Variants in BST1 observed in about 807,000 individuals in gnomAD.
The protein encoded by BST1 is bone marrow stromal cell antigen 1, also known as ADP-ribosyl cyclase/cyclic ADP-ribose hydrolase 2.
BST1 carries 49 observed loss-of-function variants against 40.6 expected under a neutral mutation model. That is an observed-to-expected ratio of 1.21 (90% CI 0.96 to 1.53). The LOEUF (loss-of-function observed/expected upper bound fraction) is 1.53. Among genes scored for constraint, BST1 ranks in the 40% most tolerant of loss-of-function variants. The pLI is 0.00. For synonymous variants in BST1, 157 were observed against 159.3 expected, an observed-to-expected ratio of 0.99 and a Z score of 0.11; for missense variants, 423 against 395.9, an observed-to-expected ratio of 1.07 and a Z score of -0.58.
chr4:15,727,668 C>A (rs2148894279), intron 8 of BST1, among the ~76,000 whole-genome samples: 1 of 152,132 alleles, frequency 6.6e-6, no homozygotes, highest in African/African-American at 2.4e-5. Flanking sequence ...TGATAAAGTG[C>A]TTTGGGAAAA....
At chr4:15,754,827 C>A in the BST1 span, among the ~76,000 whole-genome samples, 1 of 152,146 alleles carries the variant, frequency 6.6e-6, no homozygotes, top group African/African-American at 2.4e-5. Flanking sequence ...TGTTCTGGTC[C>A]CACACCTCTA....
intron 6 of BST1, 112 bp downstream of exon 6, chr4:15,715,911 G>T: frequency 1.3e-6 from 1 of 746,574 alleles, no homozygotes; most frequent in Non-Finnish European, 2.0e-6. Context: ...AGCCTTCTTT[G>T]CTTCTAATGG....
the BST1 span, among the ~76,000 whole-genome samples, chr4:15,770,131 G>A: frequency 1.9e-4 from 28 of 146,996 alleles, no homozygotes; most frequent in Middle Eastern, 3.5e-3. Context: ...TAAGCCACCG[G>A]GCATGGCTAA....
At chr4:15,757,912 G>A in the BST1 span, among the ~76,000 whole-genome samples, 1 of 152,054 alleles carries the variant, frequency 6.6e-6, no homozygotes, top group Non-Finnish European at 1.5e-5. Context: ...AAAGTGCTGG[G>A]ATTACAGGCA....
At chr4:15,754,537 C>G in the BST1 span, among the ~76,000 whole-genome samples, 10 of 152,276 alleles carry the variant, frequency 6.6e-5, no homozygotes, top group African/African-American at 2.2e-4. Flanking sequence ...ATGTTGCTGT[C>G]AGCACTGTGT....
rs527823254 is a variant in BST1, at chr4:15,707,568, C to T, written c.373C>T (p.Arg125Cys). 88 of 1,614,028 alleles carry T rather than the reference C, an allele frequency of 5.5e-5. 1 individual carries two copies. The highest frequency in any genetic ancestry group is 3.6e-4 in the South Asian group (33 of 91,082). ...TAACAGCTTTGCAGACAACACCCGT[C>T]GTTTTATGCCCCTGAGCGATGTTCT... is the stretch of plus-strand genomic sequence containing the variant. The part of the protein sequence containing the change: ...LVNSFADNTR[R>C]FMPLSDVLYG... The change falls in exon 3 of 9, where the codon CGT becomes TGT. Residue 125 changes from arginine to cysteine, a missense_variant. Coordinates refer to ENST00000265016, the MANE Select transcript of BST1 (RefSeq NM_004334.3).
chr4:15,768,726 G>C, the BST1 span, among the ~76,000 whole-genome samples: 7 of 151,848 alleles, frequency 4.6e-5, no homozygotes, highest in African/African-American at 1.7e-4. Flanking sequence ...TCGATCTCCT[G>C]ACCTCATGAT....
At chr4:15,703,359 G>C in intron 1 of BST1, 27 bp downstream of exon 1, 1 of 1,488,464 alleles carries the variant, frequency 6.7e-7, no homozygotes, top group South Asian at 1.3e-5. Context: ...GGTGGAAGGG[G>C]AGCCGGAAAG....
chr4:15,716,512 G>C (rs942606929), intron 6 of BST1, among the ~76,000 whole-genome samples: 1 of 152,158 alleles, frequency 6.6e-6, no homozygotes, highest in Non-Finnish European at 1.5e-5. Flanking sequence ...AAGGAGTGCA[G>C]GTCCCATTGA....
intron 8 of BST1, among the ~76,000 whole-genome samples, chr4:15,725,848 C>A (rs1469806654): frequency 6.6e-6 from 1 of 152,082 alleles, no homozygotes; most frequent in Admixed American, 6.6e-5. Flanking sequence ...ATCATAGCCT[C>A]CATCTCACAA....
At chr4:15,735,967 G>C (rs1577602712), downstream of BST1, 3 of 771,336 alleles carry the variant, frequency 3.9e-6, no homozygotes, top group Admixed American at 9.2e-5. Flanking sequence ...GAAAAATTAG[G>C]AAGAAGGCAA....
Position 15,711,949 on chromosome 4 carries a change from T to G in BST1, c.534+60T>G, listed in dbSNP as rs1392830953. The G allele has an allele frequency of 2.7e-6, 4 of 1,465,952 alleles. No individual in the cohort carries two copies. In the Admixed American group the frequency reaches 5.0e-5, roughly 18 times the overall value. 90.8% of individuals were successfully genotyped at this position (1,465,952 alleles called of 1,614,324 possible). On this transcript the variant is annotated intron_variant, in intron 4 of 8. Coordinates refer to ENST00000265016, the MANE Select transcript of BST1 (RefSeq NM_004334.3). Reference sequence around the variant, plus strand: ...GTGTGGGACCCATAGAGATGGAACATAGTCATTCAGAGTCTGGGCCCCAGG... The same window carrying G: ...GTGTGGGACCCATAGAGATGGAACAGAGTCATTCAGAGTCTGGGCCCCAGG...
At chr4:15,721,586 C>T (rs1720811237) in intron 7 of BST1, among the ~76,000 whole-genome samples, 1 of 149,572 alleles carries the variant, frequency 6.7e-6, no homozygotes, top group South Asian at 2.1e-4. Flanking sequence ...TGTTCTCACT[C>T]ACAGGTGGGA....
the BST1 span, among the ~76,000 whole-genome samples, chr4:15,748,753 G>C: frequency 6.6e-6 from 1 of 152,190 alleles, no homozygotes; most frequent in Admixed American, 6.5e-5. Context: ...TAGTTGATCT[G>C]ATCCTGTTGT....
At chr4:15,735,680 G>C (rs1019436133), downstream of BST1, among the ~76,000 whole-genome samples, 1 of 152,170 alleles carries the variant, frequency 6.6e-6, no homozygotes, top group African/African-American at 2.4e-5. Flanking sequence ...TCTCAGGACC[G>C]TCTGGCTCCT....
At chr4:15,722,592 ATTTTTTT>A (rs1012036868) in intron 7 of BST1, among the ~76,000 whole-genome samples, 10 of 120,304 alleles carry the variant, frequency 8.3e-5, no homozygotes, top group South Asian at 5.1e-4. Flanking sequence ...TAATTTTTAG[ATTTTTTT>A]TTTTTTTTTT....
chr4:15,752,602 G>T, the BST1 span, among the ~76,000 whole-genome samples: 6 of 151,924 alleles, frequency 3.9e-5, no homozygotes, highest in African/African-American at 1.4e-4. Flanking sequence ...TGGTCAGGCT[G>T]GTCTCAAACT....
At chr4:15,728,539 A>G (rs947773538) in intron 8 of BST1, among the ~76,000 whole-genome samples, 5 of 148,660 alleles carry the variant, frequency 3.4e-5, no homozygotes, top group African/African-American at 7.4e-5. Context: ...TGTAACCTCA[A>G]CCTCCTGGGT....
chr4:15,741,324 G>A (rs555690984), downstream of BST1, among the ~76,000 whole-genome samples: 7 of 152,238 alleles, frequency 4.6e-5, no homozygotes, highest in African/African-American at 7.2e-5. Context: ...AACATGGCCC[G>A]AGAATTCTGT....
Sources: allele counts gnomAD v4.1 joint callset (sites outside exome capture counted in the v4.1 genomes callset), GRCh38; gene constraint gnomAD v4.1.1; transcripts MANE v1.5; gene names NCBI Gene and HGNC (gene_info 2026-07-23, HGNC 2026-07-21).